Variants in GABRA2 observed in about 807,000 individuals in gnomAD.
GABRA2 encodes the protein gamma-aminobutyric acid receptor subunit alpha-2.
In GABRA2, 16 loss-of-function variants were observed where a neutral mutation model predicts 48.7. The ratio of observed to expected loss-of-function variants is 0.33; its 90% CI spans 0.22 to 0.50. The LOEUF is 0.50. Among genes scored for constraint, GABRA2 ranks in the 20% least tolerant of loss-of-function variants. The pLI is 0.98. For missense variants in GABRA2, 275 were observed against 535.6 expected (o/e 0.51, Z 4.80); for synonymous variants, 185 against 184.5 (o/e 1.00, Z -0.02).
rs1178440329 is a variant in GABRA2, at chr4:46,247,855, T to C, written c.*2453A>G. ...AGCTCCTTTTGATTTATTTAAACATTAAAAGAAGAAGAAATATGTAAAAAG... is the reference window on the plus strand; with the variant it reads ...AGCTCCTTTTGATTTATTTAAACATCAAAAGAAGAAGAAATATGTAAAAAG... On this transcript the variant is annotated 3_prime_UTR_variant, in exon 10 of 10. Coordinates refer to ENST00000381620, the MANE Select transcript of GABRA2 (RefSeq NM_000807.4). Among the ~76,000 whole-genome samples, 1 of 151,170 alleles carries C rather than the reference T, an allele frequency of 6.6e-6. No homozygotes were observed. Among genetic ancestry groups the C allele is most frequent in the Non-Finnish European group, 1.5e-5 (1 of 67,462 alleles).
At chr4:46,293,683 T>C (rs7699453) in intron 8 of GABRA2, among the ~76,000 whole-genome samples, 59,906 of 152,062 alleles carry the variant, frequency 0.39, 12,256 homozygotes, top group East Asian at 0.52. Context: ...GGGTGAACAC[T>C]ATTATGGTGG....
rs1048529943 is a variant in GABRA2, at chr4:46,315,946, C to T, written c.256-3230G>A. ...CTTTCACATTTAGTACATATATACA[C>T]ACACACACACACACACACATATATA... On this transcript the variant is annotated intron_variant, in intron 4 of 9. Transcript: ENST00000381620. Among the ~76,000 whole-genome samples, 65 of 150,344 alleles carry T rather than the reference C, an allele frequency of 4.3e-4. No individual in the cohort carries two copies. The Middle Eastern group carries it at 0.014, about 31-fold the overall frequency.
chr4:46,273,538 A>ATATACATATATATATAT (rs1560460626), intron 8 of GABRA2, among the ~76,000 whole-genome samples: 3 of 22,132 alleles, frequency 1.4e-4, no homozygotes, highest in African/African-American at 6.1e-4. Context: ...TATATATATG[A>ATATACATATATATATAT]GAGAGAGAGG....
rs955715463 is a variant in GABRA2, at chr4:46,244,893, G to A, written c.*5415C>T. ...AGTACAGTTTTATTGTTGAGTGTTT[G>A]CTTTTTACTTGTTTGTTTTGTTATG... is the stretch of plus-strand genomic sequence containing the variant. On this transcript the variant is annotated 3_prime_UTR_variant, in exon 10 of 10. Coordinates refer to ENST00000381620, the MANE Select transcript of GABRA2 (RefSeq NM_000807.4). Among the ~76,000 whole-genome samples the A allele has an allele frequency of 6.6e-6, 1 of 151,224 alleles. No homozygotes were observed. Among genetic ancestry groups the A allele is most frequent in the Admixed American group, 6.6e-5 (1 of 15,126 alleles).
intron 8 of GABRA2, among the ~76,000 whole-genome samples, chr4:46,292,815 C>A (rs1029985904): frequency 6.8e-6 from 1 of 147,470 alleles, no homozygotes; most frequent in Non-Finnish European, 1.5e-5. Context: ...AGAAGACATA[C>A]CCTTGACCAA....
Position 46,249,005 on chromosome 4 carries a change from T to A in GABRA2, c.*1303A>T, listed in dbSNP as rs1217297788. 1 of 144,922 alleles carries A rather than the reference T, an allele frequency of 6.9e-6. No homozygotes were observed. Among genetic ancestry groups the A allele is most frequent in the African/African-American group, 2.5e-5 (1 of 39,876 alleles). 9.0% of individuals were successfully genotyped at this position (144,922 alleles called of 1,614,324 possible). On this transcript the variant is annotated 3_prime_UTR_variant, in exon 10 of 10. Transcript: ENST00000381620. ...TAATAACTAGTAATTATATAAAATT[T>A]AAAATTGTGTTTTCTAATTTAGCTG...
intron 8 of GABRA2, among the ~76,000 whole-genome samples, chr4:46,279,529 C>T (rs1311069947): frequency 6.6e-6 from 1 of 151,872 alleles, no homozygotes; most frequent in East Asian, 1.9e-4. Flanking sequence ...TGCATCACAA[C>T]TGTGTTCTTC....
chr4:46,324,775 G>A (rs1046245739), intron 4 of GABRA2, among the ~76,000 whole-genome samples: 13 of 151,178 alleles, frequency 8.6e-5, no homozygotes, highest in Admixed American at 4.6e-4. Flanking sequence ...CTGTCTATGT[G>A]TACTTGATGT....
chr4:46,367,231 A>G (rs903052064), intron 3 of GABRA2: 6 of 152,142 alleles, frequency 3.9e-5, no homozygotes, highest in African/African-American at 1.4e-4. Flanking sequence ...TATATAGAAA[A>G]AAATTGATTG....
Position 46,305,632 on chromosome 4 carries a change from A to G in GABRA2, c.639T>C (p.Ser213=). 1 of 1,613,868 alleles carries G rather than the reference A, an allele frequency of 6.2e-7. No individual in the cohort carries two copies. Among genetic ancestry groups the G allele is most frequent in the Non-Finnish European group, 8.5e-7 (1 of 1,179,796 alleles). ...CCAGCAGGTCATATTGATTTAACCTAGAGCCATCAGGAGCAACCTGTACTG... is the reference window on the plus strand; with the variant it reads ...CCAGCAGGTCATATTGATTTAACCTGGAGCCATCAGGAGCAACCTGTACTG... ...SDSVQVAPDG[S]RLNQYDLLGQ... The change falls in exon 7 of 10, where the codon TCT becomes TCC. Residue 213 remains serine (S), a synonymous_variant. Coordinates refer to ENST00000381620, the MANE Select transcript of GABRA2 (RefSeq NM_000807.4).
intron 8 of GABRA2, among the ~76,000 whole-genome samples, chr4:46,262,892 G>A (rs535480714): frequency 1.4e-5 from 2 of 142,306 alleles, no homozygotes; most frequent in African/African-American, 2.6e-5. Flanking sequence ...GCAAAAGTCC[G>A]TTGAAAGAAA....
chr4:46,377,986 G>A (rs1436256001), intron 3 of GABRA2, among the ~76,000 whole-genome samples: 14 of 147,794 alleles, frequency 9.5e-5, no homozygotes, highest in Admixed American at 1.3e-4. Context: ...GAGGGAGGTG[G>A]GGGGGTCAGC....
intron 9 of GABRA2, among the ~76,000 whole-genome samples, chr4:46,253,562 T>C (rs1715230483): frequency 6.6e-6 from 1 of 151,528 alleles, no homozygotes; most frequent in South Asian, 2.1e-4. Context: ...TTGTTTAAAG[T>C]ATGGCTTCAC....
At chr4:46,354,184 G>C (rs1735608737) in intron 3 of GABRA2, among the ~76,000 whole-genome samples, 14 of 152,066 alleles carry the variant, frequency 9.2e-5, no homozygotes, top group Admixed American at 9.2e-4. Context: ...ATTTAAAAAA[G>C]TTTGTTACTT....
intron 3 of GABRA2, among the ~76,000 whole-genome samples, chr4:46,342,126 A>G (rs1021358729): frequency 3.9e-5 from 6 of 152,070 alleles, no homozygotes; most frequent in East Asian, 1.9e-4. Flanking sequence ...TAAGTTGTGC[A>G]TGGAGAATGC....
intron 8 of GABRA2, among the ~76,000 whole-genome samples, chr4:46,289,597 G>A (rs767102294): frequency 1.3e-5 from 2 of 152,048 alleles, no homozygotes; most frequent in Non-Finnish European, 2.9e-5. Context: ...ATAACGAATA[G>A]GTACTAGGCT....
chr4:46,262,544 A>G (rs1009599193), intron 8 of GABRA2, among the ~76,000 whole-genome samples: 17 of 152,158 alleles, frequency 1.1e-4, no homozygotes, highest in Non-Finnish European at 2.5e-4. Flanking sequence ...CATTTATTTG[A>G]ATCATGTTAA....
intron 3 of GABRA2, among the ~76,000 whole-genome samples, chr4:46,342,696 G>T (rs1733475954): frequency 1.3e-5 from 2 of 152,042 alleles, no homozygotes; most frequent in Non-Finnish European, 2.9e-5. Flanking sequence ...TGCGTAGGCT[G>T]GAGTGAAGTC....
chr4:46,304,549 C>T (rs887674727), intron 7 of GABRA2, among the ~76,000 whole-genome samples: 68 of 151,888 alleles, frequency 4.5e-4, no homozygotes, highest in African/African-American at 1.5e-3. Context: ...CAGCTTTCCA[C>T]ACAGGCCTGT....
Sources: gnomAD v4.1 joint callset for allele counts (sites outside exome capture counted in the v4.1 genomes callset) on GRCh38, gnomAD v4.1.1 for gene constraint, MANE v1.5 for transcripts, NCBI Gene and HGNC (gene_info 2026-07-23, HGNC 2026-07-21) for gene names.